The following ABCB5 variants were observed in gnomAD, a reference collection of about 807,000 sequenced individuals.
ABCB5 encodes ATP binding cassette subfamily B member 5, also known as ATP-binding cassette sub-family B member 5.
Under a neutral mutation model 144.2 loss-of-function variants are expected in ABCB5, and 155 were observed. The observed-to-expected ratio is 1.08, with a 90% CI of 0.94 to 1.23. The LOEUF is 1.23. ABCB5 is among the 50% of genes most tolerant of loss of function. The pLI is 0.00. For missense variants in ABCB5, 1,830 were observed against 1,520.8 expected, an observed-to-expected ratio of 1.20 and a Z score of -3.38; for synonymous variants, 610 against 528.6, an observed-to-expected ratio of 1.15 and a Z score of -2.11.
intron 14 of ABCB5, among the ~76,000 whole-genome samples, chr7:20,663,114 G>T (rs971193878): frequency 6.6e-6 from 1 of 152,170 alleles, no homozygotes; most frequent in African/African-American, 2.4e-5. Flanking sequence ...TCATCCTTCT[G>T]CCTCATTCTT....
At chr7:20,685,979 C>T in intron 16 of ABCB5, 143 bp downstream of exon 16, 1 of 895,856 alleles carries the variant, frequency 1.1e-6, no homozygotes, top group East Asian at 3.0e-5. Flanking sequence ...AAATTTCACT[C>T]TAGCATCAGT....
rs190108024 is a variant in ABCB5, at chr7:20,748,121, C to A, written c.3429+2683C>A. Among the ~76,000 whole-genome samples, 33 of 152,264 alleles carry A rather than the reference C, an allele frequency of 2.2e-4. No homozygotes were observed. In the South Asian group the frequency reaches 3.7e-3, roughly 17 times the overall value. ...TTTGAACCTGGATTCTTTGTGCTAT[C>A]CTGAAGGGACGGAAAGGGTTCGTAA... On this transcript the variant is annotated intron_variant, in intron 26 of 27. Transcript: ENST00000404938.
chr7:20,687,357 C>A (rs557931433), intron 16 of ABCB5, among the ~76,000 whole-genome samples: 5 of 151,608 alleles, frequency 3.3e-5, no homozygotes, highest in Admixed American at 3.3e-4. Flanking sequence ...GGTTTACAAT[C>A]TGATACAACT....
chr7:20,743,241 C>G (rs1782618230), intron 25 of ABCB5, among the ~76,000 whole-genome samples, 167 bp downstream of exon 25: 1 of 152,156 alleles, frequency 6.6e-6, no homozygotes. Flanking sequence ...AGCAAACCAT[C>G]ACAAAAATGA....
At chr7:20,629,925 T>C (rs1784000079) in intron 4 of ABCB5, among the ~76,000 whole-genome samples, 1 of 152,076 alleles carries the variant, frequency 6.6e-6, no homozygotes, top group African/African-American at 2.4e-5. Context: ...AAGCAGAAAA[T>C]TATACAACTA....
At chr7:20,662,715 C>G (rs1351364338) in intron 14 of ABCB5, among the ~76,000 whole-genome samples, 1 of 151,630 alleles carries the variant, frequency 6.6e-6, no homozygotes, top group Non-Finnish European at 1.5e-5. Flanking sequence ...CTTAATCAAG[C>G]TCACATTTGT....
At position 20,739,149 on chromosome 7, in the gene ABCB5, A is replaced by C; in HGVS notation, c.3024+10A>C. On this transcript the variant is annotated intron_variant, in intron 24 of 27. Coordinates refer to ENST00000404938, the MANE Select transcript of ABCB5 (RefSeq NM_001163941.2). ...AGAAGGGAAAAAGCCAGTAAGCACA[A>C]CTGTGATCTTAAATGTCCAAATAAA... The C allele has an allele frequency of 6.3e-7, 1 of 1,582,884 alleles. No homozygotes were observed.
intron 2 of ABCB5, among the ~76,000 whole-genome samples, chr7:20,625,111 C>G (rs1225046045): frequency 6.6e-6 from 1 of 152,188 alleles, no homozygotes; most frequent in Non-Finnish European, 1.5e-5. Context: ...AAATCCGCAT[C>G]TAGAGGTGAG....
chr7:20,645,273 A>C (rs1033356006), intron 7 of ABCB5, among the ~76,000 whole-genome samples: 3 of 152,250 alleles, frequency 2.0e-5, no homozygotes, highest in Admixed American at 6.5e-5. Flanking sequence ...TTAGTAAGTG[A>C]ATTCAGAAAA....
intron 14 of ABCB5, chr7:20,666,879 G>C: frequency 7.5e-7 from 1 of 1,332,856 alleles, no homozygotes; most frequent in African/African-American, 1.5e-5. Flanking sequence ...CTGGCTAAAA[G>C]ACAGCATCAG....
intron 14 of ABCB5, chr7:20,659,693 TTAGTAAC>T (rs1413423270): frequency 2.0e-6 from 2 of 987,292 alleles, no homozygotes; most frequent in Non-Finnish European, 2.4e-6. Flanking sequence ...TTTTTTATAC[TTAGTAAC>T]TAGGACAGGG....
intron 21 of ABCB5, among the ~76,000 whole-genome samples, chr7:20,724,668 A>G (rs1269274482): frequency 6.7e-6 from 1 of 150,340 alleles, no homozygotes; most frequent in East Asian, 2.0e-4. Context: ...CTCTCCTAAT[A>G]CTGTTTCAGA....
intron 20 of ABCB5, among the ~76,000 whole-genome samples, chr7:20,720,102 G>C (rs1562578004): frequency 6.6e-6 from 1 of 152,148 alleles, no homozygotes; most frequent in South Asian, 2.1e-4. Context: ...CAAAAGTAGG[G>C]CAGAGACAGT....
At chr7:20,638,438 G>T (rs1784211920) in intron 5 of ABCB5, among the ~76,000 whole-genome samples, 1 of 152,020 alleles carries the variant, frequency 6.6e-6, no homozygotes, top group African/African-American at 2.4e-5. Context: ...TAAATGTATG[G>T]AGTTGTACAG....
At chr7:20,725,646 G>A (rs1158709563) in intron 21 of ABCB5, among the ~76,000 whole-genome samples, 1 of 152,148 alleles carries the variant, frequency 6.6e-6, no homozygotes, top group African/African-American at 2.4e-5. Context: ...CTAAGGGTCT[G>A]TAATAATATT....
At chr7:20,691,168 C>CTTTTTTTTT (rs58696871) in intron 16 of ABCB5, among the ~76,000 whole-genome samples, 1 of 46,116 alleles carries the variant, frequency 2.2e-5, no homozygotes, top group African/African-American at 6.7e-5. Flanking sequence ...ACCCAGTGGA[C>CTTTTTTTTT]TTTTTTTTTT....
chr7:20,659,662 A>T lies in ABCB5; in HGVS notation c.1707+986A>T, dbSNP rs1014548339. 2.2e-5 allele frequency: 22 copies of T among 987,932 alleles called. No homozygotes were observed. The African/African-American group carries it at 2.4e-4, about 11-fold the overall frequency. The allele number at this position is 987,932 out of a possible 1,614,324, so 61.2% of individuals were successfully genotyped here. Reference sequence around the variant, plus strand: ...TCATCTTGGTACAGAAAATACAAAGACAGGACTAATATTTTATTCATTTTT... The same window carrying T: ...TCATCTTGGTACAGAAAATACAAAGTCAGGACTAATATTTTATTCATTTTT... On this transcript the variant is annotated intron_variant, in intron 14 of 27. Transcript: ENST00000404938.
intron 20 of ABCB5, 124 bp downstream of exon 20, chr7:20,704,931 T>C: frequency 1.6e-6 from 1 of 623,862 alleles, no homozygotes; most frequent in African/African-American, 1.9e-5. Context: ...TGAGGCCAGG[T>C]AAGTCTCACG....
intron 1 of ABCB5, among the ~76,000 whole-genome samples, chr7:20,619,091 T>C (rs918195208): frequency 6.6e-5 from 10 of 152,106 alleles, no homozygotes; most frequent in African/African-American, 2.4e-4. Context: ...CACATTTTCT[T>C]TATGCAATTC....
Sources: gnomAD v4.1 joint callset for allele counts (sites outside exome capture counted in the v4.1 genomes callset) on GRCh38, gnomAD v4.1.1 for gene constraint, MANE v1.5 for transcripts, NCBI Gene and HGNC (gene_info 2026-07-23, HGNC 2026-07-21) for gene names.